The following RIMS2 variants were observed in gnomAD, a reference collection of about 807,000 sequenced individuals.
RIMS2 encodes the protein regulating synaptic membrane exocytosis 2.
RIMS2 carries 59 observed loss-of-function variants against 174.4 expected under a neutral mutation model. The ratio of observed to expected loss-of-function variants is 0.34; its 90% CI spans 0.27 to 0.42. RIMS2 has a LOEUF of 0.42. RIMS2 is among the 10% of genes least tolerant of loss of function. The pLI is 1.00. For missense variants in RIMS2, 1,620 were observed against 1,666.3 expected (o/e 0.97, Z 0.48); for synonymous variants, 606 against 572.5 (o/e 1.06, Z -0.84).
chr8:104,025,741 A>G (rs996778777), intron 19 of RIMS2, among the ~76,000 whole-genome samples: 2 of 148,902 alleles, frequency 1.3e-5, no homozygotes, highest in African/African-American at 4.9e-5. Context: ...ACAGTAATGT[A>G]CCACATAATG....
intron 19 of RIMS2, among the ~76,000 whole-genome samples, chr8:104,075,595 A>C (rs1455984382): frequency 6.6e-6 from 1 of 152,166 alleles, no homozygotes; most frequent in Admixed American, 6.5e-5. Context: ...AATGAAACAC[A>C]TCACTTCTAT....
intron 1 of RIMS2, among the ~76,000 whole-genome samples, chr8:103,606,374 T>C (rs1465803667): frequency 6.6e-6 from 1 of 151,896 alleles, no homozygotes; most frequent in East Asian, 1.9e-4. Flanking sequence ...GATAGTTTGT[T>C]ATAATCTCTG....
At chr8:103,827,749 C>T (rs1474345110) in intron 3 of RIMS2, among the ~76,000 whole-genome samples, 3 of 152,066 alleles carry the variant, frequency 2.0e-5, no homozygotes, top group African/African-American at 7.2e-5. Flanking sequence ...GCAGGAGAAT[C>T]GCTTGAACCC....
intron 19 of RIMS2, among the ~76,000 whole-genome samples, chr8:104,111,394 C>A (rs991603136): frequency 6.6e-6 from 1 of 151,992 alleles, no homozygotes; most frequent in African/African-American, 2.4e-5. Flanking sequence ...TGACAAGTGG[C>A]TCATTTTCTT....
intron 16 of RIMS2, among the ~76,000 whole-genome samples, chr8:103,978,947 A>T (rs556740801): frequency 6.6e-6 from 1 of 152,218 alleles, no homozygotes; most frequent in African/African-American, 2.4e-5. Flanking sequence ...TTAACAAAAC[A>T]TAACTTTACA....
At chr8:104,130,347 C>T (rs75964358) in intron 19 of RIMS2, among the ~76,000 whole-genome samples, 3,474 of 152,272 alleles carry the variant, frequency 0.023, 132 homozygotes, top group African/African-American at 0.079. Context: ...TGCCCAGATT[C>T]CAGCTACAAT....
At chr8:104,193,133 TAC>T (rs1305253406) in intron 19 of RIMS2, among the ~76,000 whole-genome samples, 2 of 147,930 alleles carry the variant, frequency 1.4e-5, no homozygotes, top group South Asian at 2.1e-4. Context: ...TCTAATTTTC[TAC>T]ATGTTTAATG....
Position 104,184,084 on chromosome 8 carries a change from A to C in RIMS2, c.3335-60832A>C, listed in dbSNP as rs78766317. 5.7e-3 allele frequency among the ~76,000 whole-genome samples: 861 copies of C among 151,760 alleles called. 6 individuals are homozygous for C. The highest frequency in any genetic ancestry group is 0.019 in the African/African-American group (797 of 41,506). ...GTTGTCCACACACCCCACAAAAGGA[A>C]AAGAACAATGTGCTATCTATGTCAT... On this transcript the variant is annotated intron_variant, in intron 19 of 23. Coordinates refer to ENST00000504942, the Ensembl canonical transcript of RIMS2.
intron 3 of RIMS2, among the ~76,000 whole-genome samples, chr8:103,844,619 C>T (rs1233967446): frequency 6.6e-6 from 1 of 152,152 alleles, no homozygotes; most frequent in East Asian, 1.9e-4. Flanking sequence ...AGAAATAAAG[C>T]CACTTTGTTA....
chr8:104,227,278 GT>G (rs60840616), intron 19 of RIMS2, among the ~76,000 whole-genome samples: 2,418 of 131,848 alleles, frequency 0.018, 42 homozygotes, highest in African/African-American at 0.056. Context: ...AATCTCTGAG[GT>G]TTTTTTTTTT....
At chr8:103,590,689 C>A (rs965727871) in intron 1 of RIMS2, among the ~76,000 whole-genome samples, 2 of 151,058 alleles carry the variant, frequency 1.3e-5, no homozygotes, top group Non-Finnish European at 3.0e-5. Context: ...GACTTTTTTT[C>A]CCACCATGAA....
intron 19 of RIMS2, among the ~76,000 whole-genome samples, chr8:104,174,846 T>C (rs1586582813): frequency 6.6e-6 from 1 of 152,332 alleles, no homozygotes; most frequent in East Asian, 1.9e-4. Context: ...TTTCAATACC[T>C]GATCCCTATT....
intron 19 of RIMS2, among the ~76,000 whole-genome samples, chr8:104,128,587 C>T (rs2098449620): frequency 6.6e-6 from 1 of 152,120 alleles, no homozygotes; most frequent in Admixed American, 6.6e-5. Flanking sequence ...ACCCCAGCTA[C>T]TAGGGAGGCT....
chr8:103,661,591 C>T (rs2096601091), intron 1 of RIMS2, among the ~76,000 whole-genome samples: 1 of 152,058 alleles, frequency 6.6e-6, no homozygotes, highest in Admixed American at 6.5e-5. Context: ...GCAACTTCTG[C>T]CTCCCGGGTT....
chr8:103,902,316 A>G (rs2073318391), intron 4 of RIMS2, among the ~76,000 whole-genome samples: 1 of 152,174 alleles, frequency 6.6e-6, no homozygotes, highest in South Asian at 2.1e-4. Context: ...CTAGCAAGGC[A>G]AAGTCTTATG....
At chr8:104,118,624 C>T (rs1164961153) in intron 19 of RIMS2, among the ~76,000 whole-genome samples, 1 of 151,978 alleles carries the variant, frequency 6.6e-6, no homozygotes, top group Non-Finnish European at 1.5e-5. Flanking sequence ...CTGCCTCGGC[C>T]TCCCAAAGTG....
intron 1 of RIMS2, among the ~76,000 whole-genome samples, chr8:103,649,658 T>C (rs1351859945): frequency 6.6e-6 from 1 of 151,728 alleles, no homozygotes; most frequent in African/African-American, 2.4e-5. Flanking sequence ...CTTTTTTTTT[T>C]TTCTTTCTGT....
chr8:104,013,377 C>A, intron 17 of RIMS2, 65 bp from the exon 20 acceptor site: 1 of 1,251,716 alleles, frequency 8.0e-7, no homozygotes, highest in Non-Finnish European at 1.1e-6. Context: ...CAGTTTGATG[C>A]ATCATAACCA....
chr8:103,929,995 A>G (rs975513548), intron 11 of RIMS2, among the ~76,000 whole-genome samples: 2 of 152,096 alleles, frequency 1.3e-5, no homozygotes, highest in African/African-American at 4.8e-5. Context: ...AGTGGGCCCC[A>G]GGAATTTATA....
Sources: allele counts gnomAD v4.1 joint callset (sites outside exome capture counted in the v4.1 genomes callset), GRCh38; gene constraint gnomAD v4.1.1; transcripts MANE v1.5; gene names NCBI Gene and HGNC (gene_info 2026-07-23, HGNC 2026-07-21).